The following NR2F1-AS1 variants were observed in gnomAD, a reference collection of about 807,000 sequenced individuals.
NR2F1-AS1 encodes the protein NR2F1 regulatory antisense RNA 1, also known as NR2F1 antisense RNA 1.
intron 4 of NR2F1-AS1, among the ~76,000 whole-genome samples, chr5:93,521,158 C>A (rs1016268667): frequency 6.6e-6 from 1 of 152,132 alleles, no homozygotes; most frequent in Admixed American, 6.6e-5. Context: ...GGATAACTGG[C>A]TAGCCATATG....
upstream of NR2F1-AS1, among the ~76,000 whole-genome samples, chr5:93,581,537 G>T (rs1561518671): frequency 1.3e-5 from 2 of 151,966 alleles, no homozygotes; most frequent in African/African-American, 4.8e-5. Flanking sequence ...GTGCCGCCCG[G>T]GAGCGGCTCC....
chr5:93,469,442 A>G (rs1750319141), intron 4 of NR2F1-AS1, among the ~76,000 whole-genome samples: 2 of 152,146 alleles, frequency 1.3e-5, no homozygotes, highest in African/African-American at 4.8e-5. Context: ...AACATCACGC[A>G]GTGCATTACC....
At chr5:93,478,377 G>C (rs1207801797) in intron 4 of NR2F1-AS1, among the ~76,000 whole-genome samples, 1 of 151,998 alleles carries the variant, frequency 6.6e-6, no homozygotes, top group Non-Finnish European at 1.5e-5. Flanking sequence ...ACTTACTAAA[G>C]GGCAGGTTTT....
At chr5:93,512,542 C>T (rs1458469706) in intron 4 of NR2F1-AS1, among the ~76,000 whole-genome samples, 1 of 152,108 alleles carries the variant, frequency 6.6e-6, no homozygotes, top group African/African-American at 2.4e-5. Flanking sequence ...GTGTACAGTG[C>T]TTATAAAGTC....
intron 4 of NR2F1-AS1, among the ~76,000 whole-genome samples, chr5:93,416,577 T>C (rs1041386550): frequency 6.6e-6 from 1 of 152,210 alleles, no homozygotes; most frequent in African/African-American, 2.4e-5. Flanking sequence ...TGAAAATCAC[T>C]GGGCTTTTTA....
chr5:93,488,114 T>G (rs1215445425), intron 4 of NR2F1-AS1, among the ~76,000 whole-genome samples: 2 of 152,234 alleles, frequency 1.3e-5, no homozygotes, highest in East Asian at 3.9e-4. Context: ...AAGACTTAAA[T>G]GTAAGACCTA....
chr5:93,573,080 A>T (rs7712899), intron 1 of NR2F1-AS1, among the ~76,000 whole-genome samples: 27,654 of 152,082 alleles, frequency 0.18, 4,126 homozygotes, highest in African/African-American at 0.41. Flanking sequence ...AGGGGAAGTG[A>T]CTCCGGAGTT....
chr5:93,574,211 G>A (rs535483681), intron 1 of NR2F1-AS1, among the ~76,000 whole-genome samples: 1 of 151,910 alleles, frequency 6.6e-6, no homozygotes, highest in South Asian at 2.1e-4. Context: ...GCAAGTGGGA[G>A]TGAGCAGCCG....
At chr5:93,464,500 TTTGA>T (rs1750181634) in intron 4 of NR2F1-AS1, among the ~76,000 whole-genome samples, 1 of 152,172 alleles carries the variant, frequency 6.6e-6, no homozygotes, top group African/African-American at 2.4e-5. Flanking sequence ...CATGATTAAA[TTTGA>T]TTAAGAGTTT....
intron 4 of NR2F1-AS1, among the ~76,000 whole-genome samples, chr5:93,551,065 A>G (rs1449234093): frequency 6.6e-6 from 1 of 152,060 alleles, no homozygotes; most frequent in Non-Finnish European, 1.5e-5. Context: ...ATATTTACTT[A>G]GAAGTTTTTG....
intron 4 of NR2F1-AS1, among the ~76,000 whole-genome samples, chr5:93,444,028 C>T (rs1366867334): frequency 6.6e-6 from 1 of 152,124 alleles, no homozygotes; most frequent in Admixed American, 6.6e-5. Flanking sequence ...CCAGGCCTGC[C>T]CTAAAAGAGC....
At chr5:93,559,437 C>T (rs1752437224) in intron 2 of NR2F1-AS1, among the ~76,000 whole-genome samples, 1 of 152,122 alleles carries the variant, frequency 6.6e-6, no homozygotes, top group Non-Finnish European at 1.5e-5. Flanking sequence ...GACTGTTTTG[C>T]TTTTTTGTTT....
At chr5:93,543,324 A>G (rs2149907172) in intron 4 of NR2F1-AS1, 1 of 152,360 alleles carries the variant, frequency 6.6e-6, no homozygotes, top group East Asian at 1.9e-4. Flanking sequence ...CACAAATTAT[A>G]AAACTACACT....
At chr5:93,452,406 C>G (rs1749856562) in intron 4 of NR2F1-AS1, among the ~76,000 whole-genome samples, 1 of 152,150 alleles carries the variant, frequency 6.6e-6, no homozygotes, top group African/African-American at 2.4e-5. Context: ...GAAGCATTTT[C>G]CAGACTGCAG....
intron 4 of NR2F1-AS1, among the ~76,000 whole-genome samples, chr5:93,416,715 G>A (rs1196955338): frequency 1.3e-5 from 2 of 152,152 alleles, no homozygotes; most frequent in South Asian, 2.1e-4. Context: ...CTAAGCGGTC[G>A]AACTCCTTCC....
intron 1 of NR2F1-AS1, among the ~76,000 whole-genome samples, chr5:93,566,602 T>C (rs1752624023): frequency 6.6e-6 from 1 of 152,176 alleles, no homozygotes; most frequent in Middle Eastern, 3.4e-3. Context: ...GTAACATGAA[T>C]TAGAATGCTG....
intron 4 of NR2F1-AS1, among the ~76,000 whole-genome samples, chr5:93,515,713 T>A (rs1298386326): frequency 6.6e-6 from 1 of 151,898 alleles, no homozygotes; most frequent in Non-Finnish European, 1.5e-5. Flanking sequence ...AGAAAATCTT[T>A]CCTGTCTGCA....
chr5:93,511,681 G>C (rs1751298475), intron 4 of NR2F1-AS1, among the ~76,000 whole-genome samples: 1 of 152,116 alleles, frequency 6.6e-6, no homozygotes, highest in Non-Finnish European at 1.5e-5. Context: ...GTTAGGAACT[G>C]GGCCGCAAAG....
At chr5:93,554,681 T>G (rs904850836) in intron 3 of NR2F1-AS1, among the ~76,000 whole-genome samples, 5 of 152,212 alleles carry the variant, frequency 3.3e-5, no homozygotes, top group African/African-American at 1.2e-4. Flanking sequence ...AAGGCACTAT[T>G]TAGAGGTTCT....
Sources: gnomAD v4.1 joint callset for allele counts (sites outside exome capture counted in the v4.1 genomes callset) on GRCh38, gnomAD v4.1.1 for gene constraint, MANE v1.5 for transcripts, NCBI Gene and HGNC (gene_info 2026-07-23, HGNC 2026-07-21) for gene names.